Variants in IGFBP2 observed in about 807,000 individuals in gnomAD.
IGFBP2 encodes insulin like growth factor binding protein 2.
Under a neutral mutation model 26.2 loss-of-function variants are expected in IGFBP2, and 12 were observed. That is an observed-to-expected ratio of 0.46 (90% confidence interval 0.29 to 0.74). IGFBP2 has a LOEUF of 0.74. Among genes scored for constraint, IGFBP2 ranks in the 30% least tolerant of loss-of-function variants. The pLI is 0.09. For missense variants in IGFBP2, 328 were observed against 441.2 expected, an observed-to-expected ratio of 0.74 and a Z score of 2.30; for synonymous variants, 189 against 200.6, an observed-to-expected ratio of 0.94 and a Z score of 0.49.
intron 1 of IGFBP2, among the ~76,000 whole-genome samples, chr2:216,657,402 T>C (rs959038068): frequency 6.6e-6 from 1 of 152,222 alleles, no homozygotes; most frequent in South Asian, 2.1e-4. Flanking sequence ...GATCTCAGAC[T>C]TTCCCCGGCC....
At chr2:216,655,275 A>G (rs2106202114) in intron 1 of IGFBP2, among the ~76,000 whole-genome samples, 1 of 152,204 alleles carries the variant, frequency 6.6e-6, no homozygotes, top group African/African-American at 2.4e-5. Flanking sequence ...CCCAAATGTC[A>G]TCTTGAATTG....
Position 216,642,114 on chromosome 2 carries a change from C to G in IGFBP2, c.442+8149C>G, listed in dbSNP as rs140107896. Among the ~76,000 whole-genome samples the G allele has an allele frequency of 4.0e-3, 610 of 150,914 alleles. 5 individuals are homozygous for G. Among genetic ancestry groups the G allele is most frequent in the African/African-American group, 0.014 (558 of 40,982 alleles). The stretch of plus-strand genomic sequence containing the variant: ...TCCCGGGTTCATGCCATTCTCCTGC[C>G]TCAGCCTCCTGAGTAGCTGGACTAT... On this transcript the variant is annotated intron_variant, in intron 1 of 3. Transcript: ENST00000233809.
chr2:216,663,011 G>A (rs191891514), intron 3 of IGFBP2: 1 of 152,232 alleles, frequency 6.6e-6, no homozygotes, highest in East Asian at 1.9e-4. Context: ...CTACCCTGGT[G>A]GTTCTAATGG....
chr2:216,655,571 C>T (rs545646759), intron 1 of IGFBP2, among the ~76,000 whole-genome samples: 2 of 152,230 alleles, frequency 1.3e-5, no homozygotes, highest in African/African-American at 2.4e-5. Flanking sequence ...TATAAATTAC[C>T]CAGTCTCAGG....
chr2:216,633,558 TGCCGCC>T lies in IGFBP2; in HGVS notation c.44_49del (p.Pro15_Pro16del). The stretch of plus-strand genomic sequence containing the variant: ...AGAGTGGGCTGCCCCGCGCTGCCGC[TGCCGCC>T]GCCGCCGCTGCTGCCGCTGCTGCTG... On this transcript the variant is annotated inframe_deletion, in exon 1 of 4. Transcript: ENST00000233809. 7.0e-5 allele frequency: 8 copies of T among 114,674 alleles called. No individual in the cohort carries two copies. Among genetic ancestry groups the T allele is most frequent in the South Asian group, 1.9e-4 (1 of 5,350 alleles). The allele number at this position is 114,674 out of a possible 1,614,324, so 7.1% of individuals were successfully genotyped here.
intron 1 of IGFBP2, among the ~76,000 whole-genome samples, chr2:216,657,441 T>G (rs975802752): frequency 6.6e-6 from 1 of 152,284 alleles, no homozygotes; most frequent in East Asian, 1.9e-4. Context: ...GTTTCTGACC[T>G]CTGGGGTCCA....
chr2:216,640,503 G>GGA (rs1390118550), intron 1 of IGFBP2, among the ~76,000 whole-genome samples: 1 of 152,138 alleles, frequency 6.6e-6, no homozygotes, highest in Non-Finnish European at 1.5e-5. Context: ...GCAGCCGCCA[G>GGA]GAGATTGGTG....
chr2:216,646,987 A>T (rs925940213), intron 1 of IGFBP2, among the ~76,000 whole-genome samples: 5 of 152,250 alleles, frequency 3.3e-5, no homozygotes, highest in South Asian at 2.1e-4. Flanking sequence ...CCTGTAACAC[A>T]TGCTTTTTCA....
At chr2:216,637,417 C>T (rs973709722) in intron 1 of IGFBP2, among the ~76,000 whole-genome samples, 3 of 152,224 alleles carry the variant, frequency 2.0e-5, no homozygotes, top group African/African-American at 7.2e-5. Flanking sequence ...GGTGTTCTTT[C>T]TGACGCCTGG....
chr2:216,647,574 C>T (rs1001325575), intron 1 of IGFBP2, among the ~76,000 whole-genome samples: 1 of 152,184 alleles, frequency 6.6e-6, no homozygotes, highest in Non-Finnish European at 1.5e-5. Flanking sequence ...GGCTGGAGTG[C>T]AGTGGCGTGA....
chr2:216,662,342 C>T (rs749984613), intron 3 of IGFBP2: 28 of 272,292 alleles, frequency 1.0e-4, no homozygotes, highest in Non-Finnish European at 1.4e-4. Flanking sequence ...TTCCTGGGCC[C>T]GCCCCCAAAT....
intron 3 of IGFBP2, chr2:216,662,374 T>G (rs1688675633): frequency 7.9e-6 from 2 of 254,174 alleles, no homozygotes; most frequent in Non-Finnish European, 1.5e-5. Context: ...AGGTCAGGTT[T>G]ACAGCTCTAA....
intron 1 of IGFBP2, among the ~76,000 whole-genome samples, chr2:216,643,133 G>A (rs1248624459): frequency 1.3e-5 from 2 of 152,214 alleles, no homozygotes; most frequent in African/African-American, 4.8e-5. Context: ...TCACGTCTCT[G>A]AACCTGGGAT....
chr2:216,642,306 AT>A (rs78737054), intron 1 of IGFBP2, among the ~76,000 whole-genome samples: 144 of 93,802 alleles, frequency 1.5e-3, no homozygotes, highest in Middle Eastern at 8.6e-3. Flanking sequence ...CTAGGCTTGC[AT>A]TTTTTTTTTT....
chr2:216,649,679 T>C lies in IGFBP2; in HGVS notation c.443-10878T>C, dbSNP rs866697753. ...TTGGCTCACGGGGCCCCAGAGGACC[T>C]TGGCTGAATTTGAGCATGTTTTTGT... On this transcript the variant is annotated intron_variant, in intron 1 of 3. Coordinates refer to ENST00000233809, the MANE Select transcript of IGFBP2 (RefSeq NM_000597.3). Among the ~76,000 whole-genome samples, 20 of 152,356 alleles carry C rather than the reference T, an allele frequency of 1.3e-4. No homozygotes were observed. In the Middle Eastern group the frequency reaches 0.017, roughly 130 times the overall value.
chr2:216,652,391 G>A (rs528501174), intron 1 of IGFBP2, among the ~76,000 whole-genome samples: 16 of 152,230 alleles, frequency 1.1e-4, no homozygotes, highest in African/African-American at 3.9e-4. Context: ...GGTCAGACTG[G>A]TCTCGAACTC....
intron 1 of IGFBP2, among the ~76,000 whole-genome samples, chr2:216,659,421 GGGACCT>G (rs1165726450): frequency 2.0e-5 from 3 of 152,220 alleles, no homozygotes; most frequent in African/African-American, 7.2e-5. Context: ...AGATCTTGTT[GGGACCT>G]GCAGGAGAGC....
intron 1 of IGFBP2, among the ~76,000 whole-genome samples, chr2:216,648,511 G>A (rs1178524636): frequency 6.6e-6 from 1 of 152,154 alleles, no homozygotes; most frequent in Non-Finnish European, 1.5e-5. Context: ...CTATCGTTTG[G>A]TCCTCTTCCA....
rs144397361 is a variant in IGFBP2 at position 216,647,601 on chromosome 2, G to A, written c.443-12956G>A. Among the ~76,000 whole-genome samples, 1,202 of 152,240 alleles carry A rather than the reference G, an allele frequency of 7.9e-3. 18 individuals are homozygous for A. The highest frequency in any genetic ancestry group is 0.028 in the African/African-American group (1,178 of 41,526). On this transcript the variant is annotated intron_variant, in intron 1 of 3. Coordinates refer to ENST00000233809, the MANE Select transcript of IGFBP2 (RefSeq NM_000597.3). ...GTGGCGTGATCTCGGCTTACCGCAA[G>A]CTCCGCCTCCCGGGTTTGCACCATT...
Sources: allele counts gnomAD v4.1 joint callset (sites outside exome capture counted in the v4.1 genomes callset), GRCh38; gene constraint gnomAD v4.1.1; transcripts MANE v1.5; gene names NCBI Gene and HGNC (gene_info 2026-07-23, HGNC 2026-07-21).